Variants in FRY observed in about 807,000 individuals in gnomAD.
The protein encoded by FRY is FRY microtubule binding protein.
A neutral mutation model predicts 348.4 loss-of-function variants in FRY; 128 were observed. The ratio of observed to expected loss-of-function variants is 0.37; its 90% CI spans 0.32 to 0.43. The LOEUF is 0.43. Ranked by LOEUF, FRY falls within the 20% of genes least tolerant of loss-of-function variation. FRY has a pLI of 1.00. For missense variants in FRY, 2,736 were observed against 3,695.2 expected (o/e 0.74, Z 6.73); for synonymous variants, 1,370 against 1,374.7 (o/e 1.00, Z 0.08).
In FRY at chr13:32,237,697, C is replaced by A. The variant is rs775239090; in HGVS notation, c.6129C>A (p.Thr2043=). 10 of 1,614,170 alleles carry A rather than the reference C, an allele frequency of 6.2e-6. No homozygotes were observed. The highest frequency in any genetic ancestry group is 8.5e-6 in the Non-Finnish European group (10 of 1,180,012). The change falls in exon 44 of 61, where the codon ACC becomes ACA. Residue 2043 remains threonine (T), a synonymous_variant. Transcript: ENST00000542859. This position sits in a 1 kb window ranked among gnomAD's most constrained non-coding sequence, Gnocchi z 6.3. ...HINHPTNLLA[T]IFWVTVALME... ...ACCATCCCACCAACCTGCTGGCCAC[C>A]ATATTCTGGGTCACAGTGGCCTTGA... is the stretch of plus-strand genomic sequence containing the variant.
chr13:32,266,749 C>T (rs1449608177), intron 54 of FRY, among the ~76,000 whole-genome samples: 3 of 152,244 alleles, frequency 2.0e-5, no homozygotes, highest in African/African-American at 4.8e-5. Context: ...TTTGGGAGGC[C>T]GAACTGGGTG....
At position 32,202,404 on chromosome 13, in the gene FRY, A is replaced by C. The variant is rs1351509544; in HGVS notation, c.3895A>C (p.Arg1299=). 1.9e-6 allele frequency: 3 copies of C among 1,614,034 alleles called. No individual in the cohort carries two copies. In the African/African-American group the frequency reaches 4.0e-5, roughly 22 times the overall value. The change falls in exon 31 of 61, where the codon AGA becomes CGA. Residue 1299 remains arginine, a synonymous_variant. Transcript: ENST00000542859. ...FVYSKKVAEQ[R]PGSILYGTHG... ...ATACTCAAAGAAAGTCGCTGAGCAA[A>C]GACCGGGAAGTATTCTCTATGGAAC... is the stretch of plus-strand genomic sequence containing the variant.
chr13:32,228,191 A>C (rs1885700733), intron 39 of FRY, among the ~76,000 whole-genome samples: 2 of 152,184 alleles, frequency 1.3e-5, no homozygotes, highest in Non-Finnish European at 2.9e-5. Context: ...CTTTTATAGA[A>C]AGTATCAACT....
At chr13:32,271,225 C>T (rs192088888) in intron 55 of FRY, among the ~76,000 whole-genome samples, 9 of 152,348 alleles carry the variant, frequency 5.9e-5, no homozygotes, top group Non-Finnish European at 1.0e-4. Flanking sequence ...GCCTTTGAAC[C>T]TACCTGTGTT....
At chr13:32,125,797 T>G (rs1878982406) in intron 7 of FRY, among the ~76,000 whole-genome samples, 1 of 152,224 alleles carries the variant, frequency 6.6e-6, no homozygotes, top group Non-Finnish European at 1.5e-5. Context: ...TAATCCAGTT[T>G]ATCTACTCAT....
chr13:32,113,783 T>C (rs968329299), intron 3 of FRY, among the ~76,000 whole-genome samples: 2 of 152,166 alleles, frequency 1.3e-5, no homozygotes, highest in African/African-American at 4.8e-5. Context: ...TTCCTGAGCT[T>C]TGAGGGCCAG....
At chr13:32,161,446 G>T (rs975884320) in intron 17 of FRY, among the ~76,000 whole-genome samples, 195 bp downstream of exon 17, 1 of 152,106 alleles carries the variant, frequency 6.6e-6, no homozygotes, top group African/African-American at 2.4e-5. Flanking sequence ...AAGCAAATAC[G>T]TAAGCACGTA....
chr13:32,178,816 A>T, intron 21 of FRY, 28 bp from the exon 22 acceptor site: 1 of 1,495,690 alleles, frequency 6.7e-7, no homozygotes, highest in Non-Finnish European at 9.3e-7. Flanking sequence ...ACTTAGTTTC[A>T]CTCTTGTTTT....
intron 17 of FRY, among the ~76,000 whole-genome samples, chr13:32,167,723 TA>T (rs1881820136): frequency 1.3e-5 from 2 of 152,226 alleles, no homozygotes; most frequent in Admixed American, 6.5e-5. Flanking sequence ...TTACCTGTCC[TA>T]AAAACGGTGG....
intron 12 of FRY, 130 bp from the exon 13 acceptor site, chr13:32,147,709 T>C: frequency 1.4e-6 from 1 of 729,392 alleles, no homozygotes; most frequent in Non-Finnish European, 2.5e-6. Flanking sequence ...TGGAAAGAGG[T>C]GAGGTGGTTT....
Position 32,237,775 on chromosome 13 carries a change from A to C in FRY, c.6207A>C (p.Arg2069Ser). ...EYLMALRLLS[R>S]LLAHMPLDKA... ...TAATGGCCTTAAGGCTGTTGAGCAG[A>C]CTACTGGCACATATGCCACTCGATA... The change falls in exon 44 of 61, where the codon AGA (arginine) becomes AGC (serine). Residue 2069 changes from arginine (R) to serine (S), a missense_variant. By Grantham distance (110) the Arg-to-Ser change is moderately radical. Coordinates refer to ENST00000542859, the MANE Select transcript of FRY (RefSeq NM_023037.3). This position sits in a 1 kb window ranked among gnomAD's most constrained non-coding sequence, Gnocchi z 6.3. 6.2e-7 allele frequency: 1 copy of C among 1,614,164 alleles called. No individual in the cohort carries two copies. The highest frequency in any genetic ancestry group is 8.5e-7 in the Non-Finnish European group (1 of 1,180,000).
intron 51 of FRY, among the ~76,000 whole-genome samples, chr13:32,254,813 C>T (rs1355519497): frequency 1.3e-5 from 2 of 152,174 alleles, no homozygotes; most frequent in Non-Finnish European, 2.9e-5. Flanking sequence ...CAAAGCTTGC[C>T]TGCTACAACA....
intron 17 of FRY, among the ~76,000 whole-genome samples, chr13:32,170,320 T>A (rs2138208725): frequency 6.6e-6 from 1 of 152,322 alleles, no homozygotes; most frequent in Non-Finnish European, 1.5e-5. Context: ...TTGGATTGCA[T>A]TCTGAAACAG....
chr13:32,135,976 C>T (rs879506836), intron 10 of FRY, among the ~76,000 whole-genome samples: 1 of 151,878 alleles, frequency 6.6e-6, no homozygotes, highest in Non-Finnish European at 1.5e-5. Flanking sequence ...AGATTACTGA[C>T]TAGCATTAGA....
intron 1 of FRY, among the ~76,000 whole-genome samples, chr13:32,036,828 C>T (rs975444142): frequency 6.6e-6 from 1 of 152,110 alleles, no homozygotes; most frequent in Admixed American, 6.5e-5. Context: ...ACCCCTCCCC[C>T]AGTCCAGGTG....
intron 58 of FRY, among the ~76,000 whole-genome samples, chr13:32,280,642 T>C (rs951948255): frequency 1.4e-4 from 22 of 152,240 alleles, no homozygotes; most frequent in Non-Finnish European, 2.9e-4. Flanking sequence ...TATAGTAGTA[T>C]GTAAAAAACA....
At chr13:32,090,699 G>C (rs1368673768) in intron 2 of FRY, among the ~76,000 whole-genome samples, 3 of 152,116 alleles carry the variant, frequency 2.0e-5, no homozygotes, top group Non-Finnish European at 4.4e-5. Context: ...TTTCTTAGTA[G>C]CTGCTGTAGT....
In FRY at chr13:32,256,959, A is replaced by T. The variant is rs55633516; in HGVS notation, c.7416+2565A>T. 2.9e-3 allele frequency among the ~76,000 whole-genome samples: 444 copies of T among 152,278 alleles called. 2 individuals are homozygous for T. The highest frequency in any genetic ancestry group is 0.01 in the African/African-American group (420 of 41,560). ...AGGTCATAGTCAAAATGCAGTCAAA[A>T]CTTTGTTTCATGCACAAAATTATTT... On this transcript the variant is annotated intron_variant, in intron 51 of 60. Coordinates refer to ENST00000542859, the MANE Select transcript of FRY (RefSeq NM_023037.3).
intron 1 of FRY, among the ~76,000 whole-genome samples, chr13:32,053,055 A>G (rs966390329): frequency 2.6e-5 from 4 of 151,952 alleles, no homozygotes; most frequent in African/African-American, 7.3e-5. Context: ...GGAGGTCGCA[A>G]TGAGCTGAGA....
Sources: allele counts gnomAD v4.1 joint callset (sites outside exome capture counted in the v4.1 genomes callset), GRCh38; gene constraint gnomAD v4.1.1; non-coding constraint Gnocchi (gnomAD v3.1); transcripts MANE v1.5; gene names NCBI Gene and HGNC (gene_info 2026-07-23, HGNC 2026-07-21).